STPG2: variants seen among roughly 807,000 people sequenced by gnomAD.
STPG2 encodes sperm tail PG-rich repeat containing 2, also known as sperm-tail PG-rich repeat-containing protein 2.
A neutral mutation model predicts 54.2 loss-of-function variants in STPG2; 56 were observed. The ratio of observed to expected loss-of-function variants is 1.03; its 90% CI spans 0.83 to 1.29. The LOEUF is 1.29. Among genes scored for constraint, STPG2 ranks in the 50% most tolerant of loss-of-function variants. STPG2 has a pLI of 0.00. For synonymous variants in STPG2, 200 were observed against 181.8 expected (o/e 1.10, Z -0.81); for missense variants, 596 against 544.9 (o/e 1.09, Z -0.93).
At chr4:97,749,878 G>A (rs528618289) in intron 9 of STPG2, among the ~76,000 whole-genome samples, 5 of 151,868 alleles carry the variant, frequency 3.3e-5, no homozygotes, top group African/African-American at 7.2e-5. Context: ...GTGAAGTCAC[G>A]TTCAGTAGGA....
At chr4:97,600,969 A>G (rs1733443559) in intron 10 of STPG2, among the ~76,000 whole-genome samples, 1 of 152,084 alleles carries the variant, frequency 6.6e-6, no homozygotes. Context: ...AACCTAGCAA[A>G]GTGAGGATGA....
intron 8 of STPG2, among the ~76,000 whole-genome samples, chr4:97,904,463 T>A (rs933091385): frequency 6.6e-6 from 1 of 152,080 alleles, no homozygotes; most frequent in Non-Finnish European, 1.5e-5. Flanking sequence ...TACATCACCA[T>A]CATCAAAGAC....
At position 97,691,168 on chromosome 4, in the gene STPG2, C is replaced by T. The variant is rs1029866775; in HGVS notation, c.1320+21531G>A. Among the ~76,000 whole-genome samples, 10 of 152,098 alleles carry T rather than the reference C, an allele frequency of 6.6e-5. No individual in the cohort carries two copies. The South Asian group carries it at 2.1e-3, about 32-fold the overall frequency. ...GGAAAACTGAGAGAATCCACAGACC[C>T]TTTGAAGGAGGTGGATTGCCACTGC... On this transcript the variant is annotated intron_variant, in intron 10 of 10. Transcript: ENST00000295268.
intron 10 of STPG2, among the ~76,000 whole-genome samples, chr4:97,703,988 T>C (rs115547758): frequency 6.6e-6 from 1 of 151,842 alleles, no homozygotes; most frequent in African/African-American, 2.4e-5. Context: ...GAGAAAGATA[T>C]AGGCTGTGAG....
At chr4:97,998,923 G>C (rs563641372) in intron 5 of STPG2, among the ~76,000 whole-genome samples, 60 of 152,228 alleles carry the variant, frequency 3.9e-4, no homozygotes, top group Middle Eastern at 6.8e-3. Context: ...CTTAGAGAGG[G>C]GAGAAAAAGT....
chr4:97,856,175 C>T (rs975664373), intron 8 of STPG2, among the ~76,000 whole-genome samples: 5 of 152,024 alleles, frequency 3.3e-5, no homozygotes. Context: ...CGTATGAATT[C>T]TAAAATAGTT....
At chr4:97,549,001 CAAT>C (rs1358813534) in intron 4 of STPG2, among the ~76,000 whole-genome samples, 1 of 23,922 alleles carries the variant, frequency 4.2e-5, no homozygotes, top group East Asian at 7.5e-4. Flanking sequence ...ATATCCACCA[CAAT>C]AATGTTGAAT....
Position 97,455,954 on chromosome 4 carries a change from C to T in STPG2, c.462+256745G>A, listed in dbSNP as rs548060642. Among the ~76,000 whole-genome samples, 6 of 152,240 alleles carry T rather than the reference C, an allele frequency of 3.9e-5. No homozygotes were observed. The South Asian group carries it at 6.2e-4, about 16-fold the overall frequency. ...GAGCCACTCCTGCTGTTGCACACCC[C>T]GCGAGGGGAACAAGGGAATGTTTCC... On this transcript the variant is annotated intron_variant, in intron 4 of 4. Transcript: ENST00000522676.
At chr4:97,640,595 A>G (rs532782772) in intron 10 of STPG2, among the ~76,000 whole-genome samples, 4 of 152,012 alleles carry the variant, frequency 2.6e-5, no homozygotes, top group African/African-American at 9.6e-5. Flanking sequence ...TAAAACTAGT[A>G]GATTGAAAAA....
intron 5 of STPG2, among the ~76,000 whole-genome samples, chr4:98,000,084 C>A (rs979946): frequency 0.41 from 61,724 of 151,888 alleles, 12,735 homozygotes; most frequent in African/African-American, 0.47. Flanking sequence ...GATCATTCTA[C>A]TCTTTAGACT....
intron 7 of STPG2, among the ~76,000 whole-genome samples, chr4:97,962,988 A>G (rs1733947598): frequency 6.6e-6 from 1 of 152,016 alleles, no homozygotes; most frequent in African/African-American, 2.4e-5. Context: ...GTGAAACCCC[A>G]TCTCTACTAA....
chr4:97,566,398 C>T (rs990592049), intron 10 of STPG2, among the ~76,000 whole-genome samples: 3 of 152,198 alleles, frequency 2.0e-5, no homozygotes, highest in Non-Finnish European at 4.4e-5. Flanking sequence ...CCGAGTGAGG[C>T]AATGCCTCGC....
intron 9 of STPG2, among the ~76,000 whole-genome samples, chr4:97,776,499 T>G (rs2149066740): frequency 6.6e-6 from 1 of 152,326 alleles, no homozygotes; most frequent in South Asian, 2.1e-4. Flanking sequence ...ATAAATATTC[T>G]TTAACCTCAG....
At chr4:97,551,347 G>GA (rs1486469339) in intron 4 of STPG2, among the ~76,000 whole-genome samples, 1 of 151,594 alleles carries the variant, frequency 6.6e-6, no homozygotes, top group African/African-American at 2.4e-5. Context: ...AAGCCTCCAA[G>GA]AAAAAAAGAA....
intron 10 of STPG2, among the ~76,000 whole-genome samples, chr4:97,643,196 A>G (rs1721813007): frequency 6.6e-6 from 1 of 151,606 alleles, no homozygotes. Context: ...ATTTTAATGG[A>G]AAAATTTTTA....
intron 4 of STPG2, among the ~76,000 whole-genome samples, chr4:97,447,816 A>C (rs1314709533): frequency 6.6e-6 from 1 of 152,156 alleles, no homozygotes; most frequent in African/African-American, 2.4e-5. Flanking sequence ...GTAGGGTTGG[A>C]GCCCCCTCAC....
chr4:97,935,444 G>A (rs1732714674), intron 8 of STPG2, among the ~76,000 whole-genome samples: 6 of 152,056 alleles, frequency 3.9e-5, no homozygotes, highest in Admixed American at 3.9e-4. Context: ...GTTTGCTCTT[G>A]CTTCTCTAGT....
At chr4:97,815,405 T>C (rs1473438662) in intron 9 of STPG2, among the ~76,000 whole-genome samples, 1 of 152,176 alleles carries the variant, frequency 6.6e-6, no homozygotes, top group Non-Finnish European at 1.5e-5. Context: ...AATCTGAAAT[T>C]CTCTAATGAG....
intron 8 of STPG2, among the ~76,000 whole-genome samples, chr4:97,884,818 G>A (rs1161851566): frequency 1.3e-5 from 2 of 152,074 alleles, no homozygotes; most frequent in Non-Finnish European, 2.9e-5. Context: ...AAAACAACCA[G>A]AGGAGGAACC....
Sources: gnomAD v4.1 joint callset for allele counts (sites outside exome capture counted in the v4.1 genomes callset) on GRCh38, gnomAD v4.1.1 for gene constraint, MANE v1.5 for transcripts, NCBI Gene and HGNC (gene_info 2026-07-23, HGNC 2026-07-21) for gene names.